RIMS2: variants seen among roughly 807,000 people sequenced by gnomAD.
RIMS2 encodes regulating synaptic membrane exocytosis 2, also known as regulating synaptic membrane exocytosis protein 2.
A neutral mutation model predicts 174.4 loss-of-function variants in RIMS2; 59 were observed. The observed-to-expected ratio is 0.34, with a 90% CI of 0.27 to 0.42. The LOEUF (loss-of-function observed/expected upper bound fraction) is 0.42. RIMS2 is among the 10% of genes least tolerant of loss of function. The probability of loss-of-function intolerance (pLI) is 1.00; values close to 1 mark genes in which losing one functional copy is unlikely to be tolerated. For missense variants in RIMS2, 1,620 were observed against 1,666.3 expected (o/e 0.97, Z 0.48); for synonymous variants, 606 against 572.5 (o/e 1.06, Z -0.84).
intron 1 of RIMS2, among the ~76,000 whole-genome samples, chr8:103,593,147 T>C (rs1218872027): frequency 6.6e-6 from 1 of 151,542 alleles, no homozygotes; most frequent in Non-Finnish European, 1.5e-5. Flanking sequence ...ATTTGAGCTT[T>C]CAAGTAAAAA....
intron 19 of RIMS2, among the ~76,000 whole-genome samples, chr8:104,033,786 AT>A (rs772906812): frequency 3.3e-5 from 5 of 152,148 alleles, no homozygotes; most frequent in Non-Finnish European, 1.5e-5. Context: ...CTAAAAGGAA[AT>A]TGGGATATTT....
At chr8:104,159,255 A>G (rs2098745421) in intron 19 of RIMS2, among the ~76,000 whole-genome samples, 1 of 152,038 alleles carries the variant, frequency 6.6e-6, no homozygotes, top group Non-Finnish European at 1.5e-5. Context: ...ATTGGTCTAT[A>G]TATTTGTTTT....
intron 12 of RIMS2, among the ~76,000 whole-genome samples, chr8:103,931,664 A>G (rs193175319): frequency 6.6e-6 from 1 of 152,198 alleles, no homozygotes; most frequent in East Asian, 1.9e-4. Flanking sequence ...ATTAAAAGTT[A>G]TGCTTCCTAA....
At chr8:104,144,286 A>G (rs1380497417) in intron 19 of RIMS2, among the ~76,000 whole-genome samples, 1 of 152,204 alleles carries the variant, frequency 6.6e-6, no homozygotes, top group Non-Finnish European at 1.5e-5. Context: ...TAAAGCCAAA[A>G]ATTAGAAATA....
rs9642988 is a variant in RIMS2 at position 103,538,347 on chromosome 8, C to T, written c.176+37285C>T. On this transcript the variant is annotated intron_variant, in intron 1 of 23. Transcript: ENST00000504942. ...TTCTTTTTTAAAAATTTTATTTTTC[C>T]GTAAGTTATTGGGATACAGGCGGTA... 8.6e-3 allele frequency among the ~76,000 whole-genome samples: 1,309 copies of T among 151,798 alleles called. 104 individuals are homozygous for T. The East Asian group carries it at 0.2, about 23-fold the overall frequency.
chr8:103,848,612 C>G (rs2098980465), intron 3 of RIMS2, among the ~76,000 whole-genome samples: 3 of 151,990 alleles, frequency 2.0e-5, no homozygotes, highest in Admixed American at 2.0e-4. Flanking sequence ...GACTACATGA[C>G]CTGAATGGTT....
chr8:104,238,671 CCT>C (rs1298539205), intron 19 of RIMS2, among the ~76,000 whole-genome samples: 3 of 152,052 alleles, frequency 2.0e-5, no homozygotes, highest in Non-Finnish European at 4.4e-5. Flanking sequence ...CCACTCAGGA[CCT>C]CAACTTTCTC....
intron 3 of RIMS2, among the ~76,000 whole-genome samples, chr8:103,845,948 G>A (rs1370418439): frequency 1.3e-5 from 2 of 152,152 alleles, no homozygotes; most frequent in African/African-American, 2.4e-5. Context: ...CTTGAAGAAC[G>A]TAATACTTAC....
chr8:103,556,455 G>T (rs893191589), intron 1 of RIMS2, among the ~76,000 whole-genome samples: 1 of 152,078 alleles, frequency 6.6e-6, no homozygotes, highest in African/African-American at 2.4e-5. Flanking sequence ...TACTTTCAGT[G>T]ATCCCATAAT....
intron 3 of RIMS2, among the ~76,000 whole-genome samples, chr8:103,788,009 A>C (rs1288687383): frequency 2.0e-5 from 3 of 150,896 alleles, no homozygotes; most frequent in Admixed American, 6.6e-5. Context: ...TTCTCACTTC[A>C]TTTCATTCAT....
chr8:103,533,825 G>T (rs1838558726), intron 1 of RIMS2, among the ~76,000 whole-genome samples: 1 of 152,104 alleles, frequency 6.6e-6, no homozygotes, highest in Admixed American at 6.6e-5. Flanking sequence ...TAGATATTCT[G>T]CAGAAAATAT....
At chr8:104,069,546 G>A (rs1457863413) in intron 19 of RIMS2, among the ~76,000 whole-genome samples, 2 of 133,670 alleles carry the variant, frequency 1.5e-5, no homozygotes, top group Non-Finnish European at 1.5e-5. Context: ...TTGGCTCACT[G>A]CAACCTCCGC....
intron 1 of RIMS2, among the ~76,000 whole-genome samples, chr8:103,549,966 G>C (rs1329965231): frequency 6.6e-6 from 1 of 152,150 alleles, no homozygotes; most frequent in Non-Finnish European, 1.5e-5. Context: ...CAAGTTCTTA[G>C]AGACCTACAA....
chr8:104,250,031 A>G (rs2099353980), intron 22 of RIMS2, among the ~76,000 whole-genome samples: 1 of 152,204 alleles, frequency 6.6e-6, no homozygotes. Context: ...TATGCTGGAT[A>G]TTCTAATTAT....
chr8:103,742,484 T>C (rs2097771078), intron 2 of RIMS2, among the ~76,000 whole-genome samples: 1 of 152,164 alleles, frequency 6.6e-6, no homozygotes, highest in African/African-American at 2.4e-5. Flanking sequence ...TAATTATATC[T>C]GTAAGGGTTT....
chr8:103,739,079 C>T (rs1393518495), intron 2 of RIMS2, among the ~76,000 whole-genome samples: 1 of 152,080 alleles, frequency 6.6e-6, no homozygotes, highest in African/African-American at 2.4e-5. Flanking sequence ...CACATGCACA[C>T]GTATGTTTAT....
intron 1 of RIMS2, among the ~76,000 whole-genome samples, chr8:103,656,408 T>TAC (rs2096532103): frequency 6.6e-6 from 1 of 152,004 alleles, no homozygotes; most frequent in South Asian, 2.1e-4. Flanking sequence ...TAAAATAACC[T>TAC]AGAGAGAGAG....
chr8:103,755,857 C>T (rs2097991192), intron 2 of RIMS2, among the ~76,000 whole-genome samples: 1 of 152,068 alleles, frequency 6.6e-6, no homozygotes, highest in Non-Finnish European at 1.5e-5. Flanking sequence ...ATCTTCCTTG[C>T]ATTGGGTTAG....
In RIMS2 at chr8:103,616,726, C is replaced by A. The variant is rs535500915; in HGVS notation, c.177-80360C>A. ...AATCACTAGTATTTCCATGCACCAA[C>A]AATAACCAATCTGAGAGCCAAATCG... On this transcript the variant is annotated intron_variant, in intron 1 of 23. Transcript: ENST00000504942. Among the ~76,000 whole-genome samples, 5 of 152,116 alleles carry A rather than the reference C, an allele frequency of 3.3e-5. No homozygotes were observed. In the South Asian group the frequency reaches 1.0e-3, roughly 32 times the overall value.
Sources: allele counts gnomAD v4.1 joint callset (sites outside exome capture counted in the v4.1 genomes callset), GRCh38; gene constraint gnomAD v4.1.1; transcripts MANE v1.5; gene names NCBI Gene and HGNC (gene_info 2026-07-23, HGNC 2026-07-21).